Variants in NLGN4X observed in about 807,000 individuals in gnomAD.
The protein encoded by NLGN4X is neuroligin-4, X-linked.
In NLGN4X, 3 loss-of-function variants were observed where a neutral mutation model predicts 40.3. The ratio of observed to expected loss-of-function variants is 0.07; its 90% CI spans 0.03 to 0.19. The LOEUF (loss-of-function observed/expected upper bound fraction) is 0.19, where lower values mean the gene tolerates loss of function less well. NLGN4X is among the 10% of genes least tolerant of loss of function. The pLI is 1.00. For synonymous variants in NLGN4X, 270 were observed against 306.8 expected (o/e 0.88, Z 1.25); for missense variants, 382 against 708.3 (o/e 0.54, Z 5.23).
chrX:5,981,171 G>A (rs1480603104), intron 3 of NLGN4X, among the ~76,000 whole-genome samples: 5 of 110,605 alleles, frequency 4.5e-5, no homozygotes, highest in African/African-American at 1.3e-4. Flanking sequence ...ACCAAAGTAC[G>A]TTTGTGACGG....
At chrX:6,171,197 C>G in intron 1 of NLGN4X, among the ~76,000 whole-genome samples, 1 of 112,121 alleles carries the variant, frequency 8.9e-6, no homozygotes, top group Non-Finnish European at 1.9e-5. Context: ...CTAATTAAAT[C>G]TCCTTCATTG....
chrX:6,061,633 T>G (rs1404103655), intron 2 of NLGN4X: 1 of 111,759 alleles, frequency 8.9e-6, no homozygotes, highest in Non-Finnish European at 1.9e-5. Flanking sequence ...TTTTCCTCAT[T>G]CTTTTTTCCC....
chrX:6,219,901 A>G (rs937056114), intron 1 of NLGN4X, among the ~76,000 whole-genome samples: 9 of 112,066 alleles, frequency 8.0e-5, no homozygotes, highest in African/African-American at 2.9e-4. Context: ...AACTTTGTCA[A>G]ACCCTATATT....
intron 3 of NLGN4X, among the ~76,000 whole-genome samples, chrX:5,920,300 CTT>C (rs2032979657): frequency 8.9e-6 from 1 of 112,165 alleles, no homozygotes; most frequent in African/African-American, 3.2e-5. Flanking sequence ...TGAGTTCACA[CTT>C]GAAAGAGAGA....
intron 1 of NLGN4X, among the ~76,000 whole-genome samples, chrX:6,188,572 T>C (rs1334005642): frequency 9.0e-6 from 1 of 111,067 alleles, no homozygotes; most frequent in African/African-American, 3.3e-5. Flanking sequence ...GGTTATACTG[T>C]AGTTGCTGCA....
At chrX:6,072,435 G>A (rs1438356440) in intron 2 of NLGN4X, among the ~76,000 whole-genome samples, 2 of 111,074 alleles carry the variant, frequency 1.8e-5, no homozygotes, top group Non-Finnish European at 3.8e-5. Context: ...GATGCTTAGG[G>A]GACAGTTATT....
chrX:5,911,303 G>A (rs1301895191), intron 3 of NLGN4X, among the ~76,000 whole-genome samples: 2 of 111,961 alleles, frequency 1.8e-5, no homozygotes, highest in Admixed American at 9.5e-5. Context: ...TTTCTGTGGA[G>A]GAGTATGAAG....
chrX:6,044,785 T>C (rs1256886363), intron 2 of NLGN4X, among the ~76,000 whole-genome samples: 1 of 112,137 alleles, frequency 8.9e-6, no homozygotes, highest in Non-Finnish European at 1.9e-5. Flanking sequence ...GAACTCTCTG[T>C]ACGTTCCCCT....
chrX:6,104,159 C>T lies in NLGN4X; in HGVS notation c.472+46836G>A, dbSNP rs750801846. 1.6e-3 allele frequency among the ~76,000 whole-genome samples: 179 copies of T among 112,238 alleles called. 1 individual carries two copies. Among genetic ancestry groups the T allele is most frequent in the Non-Finnish European group, 2.9e-3 (153 of 53,229 alleles). Reference sequence around the variant, plus strand: ...TATTTATCCTAAATTTCACCTCCACCGCAAATTCTTCCATCATCAAACATT... The same window carrying T: ...TATTTATCCTAAATTTCACCTCCACTGCAAATTCTTCCATCATCAAACATT... On this transcript the variant is annotated intron_variant, in intron 2 of 5. Coordinates refer to ENST00000381095, the MANE Select transcript of NLGN4X (RefSeq NM_181332.3).
chrX:5,974,137 G>A lies in NLGN4X; in HGVS notation c.625+55143C>T, dbSNP rs754045114. On this transcript the variant is annotated intron_variant, in intron 3 of 5. Coordinates refer to ENST00000381095, the MANE Select transcript of NLGN4X (RefSeq NM_181332.3). Reference sequence around the variant, plus strand: ...CAAGCCACAACAAAGAAAGGTGGTCGCTGAAACAACTGAATGAAGGGGTGG... The same window carrying A: ...CAAGCCACAACAAAGAAAGGTGGTCACTGAAACAACTGAATGAAGGGGTGG... Among the ~76,000 whole-genome samples the A allele has an allele frequency of 5.4e-4, 60 of 112,082 alleles. 1 individual carries two copies. The highest frequency in any genetic ancestry group is 1.3e-4 in the Non-Finnish European group (7 of 53,236).
At chrX:6,139,364 A>G (rs1905833541) in intron 2 of NLGN4X, among the ~76,000 whole-genome samples, 1 of 112,168 alleles carries the variant, frequency 8.9e-6, no homozygotes, top group African/African-American at 3.2e-5. Context: ...CAATGTCACA[A>G]TGTAACAATT....
chrX:5,969,333 AC>A (rs2034941128), intron 3 of NLGN4X, among the ~76,000 whole-genome samples: 1 of 111,651 alleles, frequency 9.0e-6, no homozygotes. Context: ...CCAAGAAAAA[AC>A]AAAACAACCC....
At chrX:5,918,154 G>A (rs776380453) in intron 3 of NLGN4X, among the ~76,000 whole-genome samples, 2 of 100,618 alleles carry the variant, frequency 2.0e-5, no homozygotes, top group South Asian at 8.6e-4. Context: ...TACAGAAAAG[G>A]TTTTTTTTTT....
At chrX:6,210,305 T>C (rs1027477657) in intron 1 of NLGN4X, among the ~76,000 whole-genome samples, 1 of 108,311 alleles carries the variant, frequency 9.2e-6, no homozygotes, top group Non-Finnish European at 1.9e-5. Flanking sequence ...AAAAGCTACC[T>C]TCTGACACCC....
chrX:5,930,959 C>A (rs903338047), intron 3 of NLGN4X, among the ~76,000 whole-genome samples: 1 of 112,116 alleles, frequency 8.9e-6, no homozygotes, highest in Admixed American at 9.5e-5. Context: ...TGCCACAGTT[C>A]TTTAAACTTC....
intron 3 of NLGN4X, among the ~76,000 whole-genome samples, chrX:6,012,549 G>A (rs1268574559): frequency 9.0e-6 from 1 of 111,507 alleles, no homozygotes; most frequent in East Asian, 2.8e-4. Context: ...TGGGTGGAGT[G>A]GGTTGCGTAA....
At chrX:6,167,069 CAAAAAAA>C (rs869227439) in intron 1 of NLGN4X, among the ~76,000 whole-genome samples, 2 of 59,290 alleles carry the variant, frequency 3.4e-5, no homozygotes, top group Non-Finnish European at 5.8e-5. Flanking sequence ...GAAACTGTCT[CAAAAAAA>C]AAAAAAAAAA....
In NLGN4X at chrX:5,898,815, GCTCA is replaced by G. The variant is rs1184336998; in HGVS notation, c.1601+4258_1601+4261del. ...CTGCAAAATGGCGTTAAACTTGGCA[GCTCA>G]CACCATGACAGCAGATAAGGTGCAT... On this transcript the variant is annotated intron_variant, in intron 5 of 5. Transcript: ENST00000381095. Among the ~76,000 whole-genome samples, 4 of 112,268 alleles carry G rather than the reference GCTCA, an allele frequency of 3.6e-5. No homozygotes were observed. The East Asian group carries it at 1.1e-3, about 32-fold the overall frequency.
At chrX:6,161,824 A>G (rs184102145) in intron 1 of NLGN4X, among the ~76,000 whole-genome samples, 21 of 110,989 alleles carry the variant, frequency 1.9e-4, no homozygotes, top group African/African-American at 5.9e-4. Context: ...TAGTTTGGAT[A>G]TATACATTTT....
Sources: allele counts gnomAD v4.1 joint callset (sites outside exome capture counted in the v4.1 genomes callset), GRCh38; gene constraint gnomAD v4.1.1; transcripts MANE v1.5; gene names NCBI Gene and HGNC (gene_info 2026-07-23, HGNC 2026-07-21).